The following MAN1C1 variants were observed in gnomAD, a reference collection of about 807,000 sequenced individuals.
The protein encoded by MAN1C1 is mannosyl-oligosaccharide 1,2-alpha-mannosidase IC.
MAN1C1 carries 49 observed loss-of-function variants against 71.5 expected under a neutral mutation model. That is an observed-to-expected ratio of 0.69 (90% CI 0.54 to 0.87). MAN1C1 has a LOEUF of 0.87. MAN1C1 is among the 40% of genes least tolerant of loss of function. The pLI, the probability that MAN1C1 is intolerant of heterozygous loss-of-function variation, is 0.00. For synonymous variants in MAN1C1, 352 were observed against 343.7 expected (o/e 1.02, Z -0.27); for missense variants, 743 against 835.0 (o/e 0.89, Z 1.36).
chr1:25,637,637 GA>G (rs1308253632), intron 1 of MAN1C1, among the ~76,000 whole-genome samples: 1 of 151,450 alleles, frequency 6.6e-6, no homozygotes, highest in Non-Finnish European at 1.5e-5. Flanking sequence ...CTTTTATGGA[GA>G]AAAAAATATT....
At chr1:25,750,951 A>G (rs1285175446) in intron 4 of MAN1C1, among the ~76,000 whole-genome samples, 2 of 152,158 alleles carry the variant, frequency 1.3e-5, no homozygotes, top group Admixed American at 6.5e-5. Flanking sequence ...GTTGAGACAC[A>G]TTGCTTCTTC....
In MAN1C1 at chr1:25,725,950, G is replaced by A. The variant is rs72875659; in HGVS notation, c.638-20718G>A. On this transcript the variant is annotated intron_variant, in intron 2 of 11. Transcript: ENST00000374332. The surrounding 1 kb of genome is among the most constrained non-coding windows in gnomAD (Gnocchi z 4.8). ...AGTGTGGCTGTGGCATGAAATGAAA[G>A]GTGAGGCTTTCATCTGAGTGAGCTG... Among the ~76,000 whole-genome samples the A allele has an allele frequency of 1.3e-5, 2 of 152,326 alleles. No individual in the cohort carries two copies. The highest frequency in any genetic ancestry group is 3.9e-4 in the East Asian group (2 of 5,174).
Position 25,775,950 on chromosome 1 carries a change from A to C in MAN1C1, c.1258-2155A>C, listed in dbSNP as rs1479459485. The C allele has an allele frequency of 6.6e-6, 1 of 152,012 alleles. No individual in the cohort carries two copies. Among genetic ancestry groups the C allele is most frequent in the Non-Finnish European group, 1.5e-5 (1 of 68,032 alleles). The allele number at this position is 152,012 out of a possible 1,614,324, so 9.4% of individuals were successfully genotyped here. ...TGCCCAGAGTGGAGTGCAGTGGTGC[A>C]ATCTTGGCTCACCGCAACTTCTGCC... On this transcript the variant is annotated intron_variant, in intron 8 of 11. Coordinates refer to ENST00000374332, the MANE Select transcript of MAN1C1 (RefSeq NM_020379.4). The surrounding 1 kb of genome is among the most constrained non-coding windows in gnomAD (Gnocchi z 5.1).
chr1:25,767,625 T>C (rs2047455386), intron 7 of MAN1C1, among the ~76,000 whole-genome samples: 2 of 84,408 alleles, frequency 2.4e-5, no homozygotes, highest in African/African-American at 1.2e-4. Context: ...CACACTCCCC[T>C]CACACACACA....
chr1:25,742,728 C>T (rs960721434), intron 2 of MAN1C1, among the ~76,000 whole-genome samples: 2 of 152,230 alleles, frequency 1.3e-5, no homozygotes, highest in African/African-American at 4.8e-5. Flanking sequence ...GGTAGAATGG[C>T]TTGCCCTATT....
chr1:25,705,812 A>C (rs751706537), intron 2 of MAN1C1, among the ~76,000 whole-genome samples: 11 of 152,334 alleles, frequency 7.2e-5, no homozygotes, highest in Admixed American at 1.3e-4. Flanking sequence ...GTATGGTGGC[A>C]CATGCCAGTA....
chr1:25,764,079 A>T lies in MAN1C1; in HGVS notation c.1141+112A>T. On this transcript the variant is annotated intron_variant, in intron 7 of 11. Coordinates refer to ENST00000374332, the MANE Select transcript of MAN1C1 (RefSeq NM_020379.4). This position sits in a 1 kb window ranked among gnomAD's most constrained non-coding sequence, Gnocchi z 4.4. The stretch of plus-strand genomic sequence containing the variant: ...GAGGATGTGTCTGTCAGAGCCATGC[A>T]GCCAGCAAGGCATTCGCTCGGTGCT... 1.2e-6 allele frequency: 1 copy of T among 867,744 alleles called. No individual in the cohort carries two copies. Among genetic ancestry groups the T allele is most frequent in the Non-Finnish European group, 1.9e-6 (1 of 535,788 alleles). The allele number at this position is 867,744 out of a possible 1,614,324, so 53.8% of individuals were successfully genotyped here.
chr1:25,728,601 G>A (rs1303859521), intron 2 of MAN1C1, among the ~76,000 whole-genome samples: 1 of 152,142 alleles, frequency 6.6e-6, no homozygotes, highest in African/African-American at 2.4e-5. Flanking sequence ...AGGCACTCAG[G>A]GTGATGGAGG....
chr1:25,650,372 C>T (rs1011390666), intron 1 of MAN1C1, among the ~76,000 whole-genome samples: 16 of 152,192 alleles, frequency 1.1e-4, no homozygotes, highest in African/African-American at 3.1e-4. Flanking sequence ...CCAGCAACTC[C>T]GTAGGGGTTC....
chr1:25,684,694 C>T (rs963534142), intron 1 of MAN1C1, among the ~76,000 whole-genome samples: 1 of 152,194 alleles, frequency 6.6e-6, no homozygotes, highest in African/African-American at 2.4e-5. Context: ...AGAGACGTCT[C>T]CTAAGCGCGG....
At chr1:25,772,764 C>T (rs1409846891) in intron 8 of MAN1C1, among the ~76,000 whole-genome samples, 2 of 152,170 alleles carry the variant, frequency 1.3e-5, no homozygotes, top group Non-Finnish European at 2.9e-5. Flanking sequence ...CTTTACCCAT[C>T]GGGTCCGCCT....
chr1:25,618,335 G>C lies in MAN1C1; in HGVS notation c.538G>C (p.Glu180Gln), dbSNP rs759028234. The change falls in exon 1 of 12, where the codon GAG becomes CAG. Residue 180 changes from glutamate (E) to glutamine (Q), a missense_variant and splice_region_variant. Glu to Gln is a conservative substitution (Grantham distance 29). Transcript: ENST00000374332. ...QVRAQREKIK[E>Q]MMQFAWQSYK... is the part of the protein sequence containing the mutation. Reference sequence around the variant, plus strand: ...GCGAGCCCAGCGGGAGAAAATCAAGGAGGTATGGACTCAGCCCCCAAACTC... The same window carrying C: ...GCGAGCCCAGCGGGAGAAAATCAAGCAGGTATGGACTCAGCCCCCAAACTC... 2.0e-5 allele frequency: 32 copies of C among 1,598,814 alleles called. No homozygotes were observed. Among genetic ancestry groups the C allele is most frequent in the African/African-American group, 2.7e-5 (2 of 74,370 alleles).
intron 7 of MAN1C1, among the ~76,000 whole-genome samples, chr1:25,767,910 T>C (rs1572207067): frequency 2.8e-5 from 1 of 35,384 alleles, no homozygotes; most frequent in African/African-American, 2.3e-4. Context: ...ACACACACAT[T>C]ACACACTCCC....
Position 25,617,997 on chromosome 1 carries a change from C to T in MAN1C1, c.200C>T (p.Ala67Val), listed in dbSNP as rs751111972. ...RTQQPGLEVV[A>V]EIAGHAPARE... ...CAGCAGCCTGGTCTGGAAGTGGTGG[C>T]TGAAATCGCCGGCCATGCCCCGGCC... Residue 67 changes from alanine to valine, a missense_variant, in exon 1 of 12, where the codon GCT becomes GTT. Transcript: ENST00000374332. The surrounding 1 kb of genome is among the most constrained non-coding windows in gnomAD (Gnocchi z 5.1). The T allele has an allele frequency of 6.2e-7, 1 of 1,605,494 alleles. No homozygotes were observed. The highest frequency in any genetic ancestry group is 8.5e-7 in the Non-Finnish European group (1 of 1,177,170).
At chr1:25,712,216 T>G (rs776630282) in intron 2 of MAN1C1, among the ~76,000 whole-genome samples, 6 of 152,232 alleles carry the variant, frequency 3.9e-5, no homozygotes, top group African/African-American at 4.8e-5. Context: ...GCCGGCGTCT[T>G]GGCAGGGGAG....
Position 25,634,885 on chromosome 1 carries a change from A to G in MAN1C1, c.540+16548A>G, listed in dbSNP as rs1572108593. Among the ~76,000 whole-genome samples, 2 of 151,996 alleles carry G rather than the reference A, an allele frequency of 1.3e-5. No individual in the cohort carries two copies. Among genetic ancestry groups the G allele is most frequent in the East Asian group, 3.9e-4 (2 of 5,178 alleles). The stretch of plus-strand genomic sequence containing the variant: ...TCAAACTTGCATTTGATCTTCTAAT[A>G]TTTTTGTTAAGGATTTTTGCATCTA... On this transcript the variant is annotated intron_variant, in intron 1 of 11. Coordinates refer to ENST00000374332, the MANE Select transcript of MAN1C1 (RefSeq NM_020379.4). The surrounding 1 kb of genome is among the most constrained non-coding windows in gnomAD (Gnocchi z 4.6).
At chr1:25,647,973 G>A (rs1338791759) in intron 1 of MAN1C1, among the ~76,000 whole-genome samples, 2 of 152,158 alleles carry the variant, frequency 1.3e-5, no homozygotes, top group Non-Finnish European at 2.9e-5. Flanking sequence ...ACCCCTTGCT[G>A]GAAAGACCTG....
intron 5 of MAN1C1, among the ~76,000 whole-genome samples, chr1:25,754,798 G>C (rs918863959): frequency 1.3e-5 from 2 of 152,212 alleles, no homozygotes; most frequent in African/African-American, 4.8e-5. Flanking sequence ...GCAGGGACCT[G>C]ATCTGACACG....
intron 3 of MAN1C1, among the ~76,000 whole-genome samples, chr1:25,747,728 G>A (rs2047150316): frequency 6.6e-6 from 1 of 152,190 alleles, no homozygotes; most frequent in African/African-American, 2.4e-5. Context: ...GACCTCTGGA[G>A]TCCTGGCTGC....
Sources: gnomAD v4.1 joint callset for allele counts (sites outside exome capture counted in the v4.1 genomes callset) on GRCh38, gnomAD v4.1.1 for gene constraint, Gnocchi (gnomAD v3.1) non-coding constraint, MANE v1.5 for transcripts, NCBI Gene and HGNC (gene_info 2026-07-23, HGNC 2026-07-21) for gene names.